Variants in TTBK2 observed in about 807,000 individuals in gnomAD.
The protein encoded by TTBK2 is tau tubulin kinase 2.
A neutral mutation model predicts 110.8 loss-of-function variants in TTBK2; 28 were observed. The observed-to-expected ratio is 0.25, with a 90% confidence interval of 0.19 to 0.35. TTBK2 has a LOEUF of 0.35. Among genes scored for constraint, TTBK2 ranks in the 10% least tolerant of loss-of-function variants. The pLI is 1.00. For missense variants in TTBK2, 1,369 were observed against 1,500.3 expected, an observed-to-expected ratio of 0.91 and a Z score of 1.45; for synonymous variants, 532 against 527.3, an observed-to-expected ratio of 1.01 and a Z score of -0.12.
At position 42,779,132 on chromosome 15, in the gene TTBK2, G is replaced by A. The variant is rs533452390; in HGVS notation, c.1198-1890C>T. ...CAATAACTTTATATTTGGGCTGGGC[G>A]TGGCGGCTCACGCCTATAATCCCAG... On this transcript the variant is annotated intron_variant, in intron 11 of 14. Coordinates refer to ENST00000267890, the MANE Select transcript of TTBK2 (RefSeq NM_173500.4). 1.3e-3 allele frequency among the ~76,000 whole-genome samples: 200 copies of A among 152,340 alleles called. 1 individual carries two copies. The highest frequency in any genetic ancestry group is 4.7e-3 in the African/African-American group (194 of 41,578).
chr15:42,800,747 G>A (rs1196076785), intron 9 of TTBK2, among the ~76,000 whole-genome samples: 2 of 151,224 alleles, frequency 1.3e-5, no homozygotes, highest in South Asian at 2.1e-4. Context: ...AGAGCTAGCC[G>A]AGGTTTATTT....
intron 9 of TTBK2, chr15:42,801,312 G>A (rs775479663): frequency 3.3e-5 from 50 of 1,527,730 alleles, no homozygotes; most frequent in Non-Finnish European, 4.3e-5. Context: ...CAGCTGCCGC[G>A]CCATGTCTTG....
intron 13 of TTBK2, among the ~76,000 whole-genome samples, chr15:42,772,732 A>G (rs531096546): frequency 4.6e-5 from 7 of 152,114 alleles, no homozygotes; most frequent in African/African-American, 1.7e-4. Flanking sequence ...GAATCTCTGG[A>G]CCCCAGCAGT....
intron 13 of TTBK2, among the ~76,000 whole-genome samples, chr15:42,762,453 C>T (rs551055309): frequency 1.3e-5 from 2 of 152,168 alleles, no homozygotes; most frequent in Non-Finnish European, 2.9e-5. Flanking sequence ...CACGGTGGCT[C>T]ATGCCTGTAA....
intron 13 of TTBK2, among the ~76,000 whole-genome samples, chr15:42,756,881 A>G (rs1042332370): frequency 6.6e-6 from 1 of 151,904 alleles, no homozygotes; most frequent in Admixed American, 6.6e-5. Flanking sequence ...AAACAAAAAC[A>G]AAAACAAAAA....
At chr15:42,810,965 TA>T in intron 8 of TTBK2, among the ~76,000 whole-genome samples, 1 of 152,294 alleles carries the variant, frequency 6.6e-6, no homozygotes, top group East Asian at 1.9e-4. Context: ...TGCATCAGTG[TA>T]TCGATAGTCC....
intron 10 of TTBK2, among the ~76,000 whole-genome samples, chr15:42,787,446 T>C (rs1890459023): frequency 6.6e-6 from 1 of 152,180 alleles, no homozygotes; most frequent in African/African-American, 2.4e-5. Context: ...GTTGGCAAAC[T>C]TTTTCTTAGA....
At chr15:42,866,533 C>T (rs1189405224) in intron 3 of TTBK2, among the ~76,000 whole-genome samples, 2 of 152,156 alleles carry the variant, frequency 1.3e-5, no homozygotes, top group Admixed American at 1.3e-4. Flanking sequence ...AGTAAAGACA[C>T]AGCTGAACTA....
intron 6 of TTBK2, among the ~76,000 whole-genome samples, chr15:42,817,941 T>C (rs1355483598): frequency 1.3e-5 from 2 of 152,230 alleles, no homozygotes; most frequent in African/African-American, 2.4e-5. Context: ...TTAATCATCC[T>C]AATCTAAAAT....
Position 42,742,712 on chromosome 15 carries a change from A to G in TTBK2, c.*3083T>C, listed in dbSNP as rs946934244. On this transcript the variant is annotated 3_prime_UTR_variant, in exon 15 of 15. Coordinates refer to ENST00000267890, the MANE Select transcript of TTBK2 (RefSeq NM_173500.4). ...GAAACCAGGTAATACTTGATTTTCA[A>G]AAGATAATTTTAACTGCTGCCCTAT... The G allele has an allele frequency of 6.6e-6, 1 of 152,224 alleles. No homozygotes were observed. The highest frequency in any genetic ancestry group is 6.5e-5 in the Admixed American group (1 of 15,290). The allele number at this position is 152,224 out of a possible 1,614,324, so 9.4% of individuals were successfully genotyped here. A position where few individuals can be genotyped will look rare whatever the true frequency, so the allele number is the denominator to read the frequency against.
intron 9 of TTBK2, among the ~76,000 whole-genome samples, chr15:42,797,778 T>C (rs575926889): frequency 1.2e-4 from 18 of 152,310 alleles, no homozygotes; most frequent in Non-Finnish European, 2.4e-4. Flanking sequence ...ATATAGTATA[T>C]ACAGTATATG....
chr15:42,777,124 A>G lies in TTBK2; in HGVS notation c.1316T>C (p.Leu439Pro). The G allele has an allele frequency of 6.2e-7, 1 of 1,614,226 alleles. No individual in the cohort carries two copies. Residue 439 changes from leucine (L) to proline (P), a missense_variant, in exon 12 of 15, where the codon CTG becomes CCG. Leu to Pro is a moderately conservative substitution (Grantham distance 98). This residue lies in a region of TTBK2 where 1,097 missense variants were observed against 1,114.7 expected (regional missense o/e 0.98). Coordinates refer to ENST00000267890, the MANE Select transcript of TTBK2 (RefSeq NM_173500.4). ...EITQPDRDIP[L>P]VRKLRSIHSF... ...GTGAATGGAACGTAACTTTCGCACC[A>G]GTGGAATATCTCTGTCTGGCTGAGT...
intron 6 of TTBK2, among the ~76,000 whole-genome samples, chr15:42,818,472 CA>C (rs1336354543): frequency 6.6e-6 from 1 of 152,144 alleles, no homozygotes; most frequent in Non-Finnish European, 1.5e-5. Context: ...GTAATCCCAG[CA>C]CTTTGGGAGG....
At chr15:42,809,364 G>A (rs1891606809) in intron 9 of TTBK2, among the ~76,000 whole-genome samples, 1 of 152,198 alleles carries the variant, frequency 6.6e-6, no homozygotes, top group African/African-American at 2.4e-5. Context: ...TAATCATTAA[G>A]TTTCAAACTT....
rs1483710341 is a variant in TTBK2, at chr15:42,756,813, C to G, written c.1999-3566G>C. On this transcript the variant is annotated intron_variant, in intron 13 of 14. Coordinates refer to ENST00000267890, the MANE Select transcript of TTBK2 (RefSeq NM_173500.4). ...CTCAAGAGGCTGAGGCAGAAGATTGCTTGAGCCCAGGAGTTTGAGACCAGC... is the reference window on the plus strand; with the variant it reads ...CTCAAGAGGCTGAGGCAGAAGATTGGTTGAGCCCAGGAGTTTGAGACCAGC... Among the ~76,000 whole-genome samples the G allele has an allele frequency of 2.0e-5, 3 of 151,680 alleles. No individual in the cohort carries two copies. The East Asian group carries it at 5.9e-4, about 30-fold the overall frequency.
At chr15:42,794,084 C>A (rs1595916670) in intron 10 of TTBK2, among the ~76,000 whole-genome samples, 1 of 132,088 alleles carries the variant, frequency 7.6e-6, no homozygotes, top group African/African-American at 2.8e-5. Context: ...TTTGAAACAA[C>A]CAAAGCAGGT....
At chr15:42,788,923 C>T (rs1358127139) in intron 10 of TTBK2, among the ~76,000 whole-genome samples, 1 of 152,058 alleles carries the variant, frequency 6.6e-6, no homozygotes, top group African/African-American at 2.4e-5. Flanking sequence ...TGTATTTGAG[C>T]TTTGTAACAT....
chr15:42,793,815 C>T (rs777883372), intron 10 of TTBK2, among the ~76,000 whole-genome samples: 9 of 150,358 alleles, frequency 6.0e-5, no homozygotes, highest in Admixed American at 1.3e-4. Flanking sequence ...CCAGCCTGGG[C>T]AACAAGAATG....
rs1055263308 is a variant in TTBK2 at position 42,741,988 on chromosome 15, C to T, written c.*3807G>A. 3.9e-5 allele frequency: 6 copies of T among 152,164 alleles called. No homozygotes were observed. In the South Asian group the frequency reaches 1.2e-3, roughly 32 times the overall value. 9.4% of individuals were successfully genotyped at this position (152,164 alleles called of 1,614,324 possible). On this transcript the variant is annotated 3_prime_UTR_variant, in exon 15 of 15. Transcript: ENST00000267890. ...TTTATAAAACATGCACCAATGTACA[C>T]TTTCTCCTTGTAGATTGAATGCAAC...
Sources: allele counts gnomAD v4.1 joint callset (sites outside exome capture counted in the v4.1 genomes callset), GRCh38; gene constraint gnomAD v4.1.1; regional missense constraint gnomAD v4.1.1; transcripts MANE v1.5; gene names NCBI Gene and HGNC (gene_info 2026-07-23, HGNC 2026-07-21).